The following GNL3 variants were observed in gnomAD, a reference collection of about 807,000 sequenced individuals.
The protein encoded by GNL3 is G protein nucleolar 3.
A neutral mutation model predicts 70.6 loss-of-function variants in GNL3; 77 were observed. The ratio of observed to expected loss-of-function variants is 1.09; its 90% CI spans 0.91 to 1.32. GNL3 has a LOEUF of 1.32. Among genes scored for constraint, GNL3 ranks in the 40% most tolerant of loss-of-function variants. The pLI is 0.00. For missense variants in GNL3, 634 were observed against 644.0 expected (o/e 0.98, Z 0.17); for synonymous variants, 252 against 216.1 (o/e 1.17, Z -1.46).
chr3:52,688,872 T>A (rs1474079536), intron 5 of GNL3: 2 of 591,988 alleles, frequency 3.4e-6, no homozygotes, highest in East Asian at 2.8e-5. Flanking sequence ...AGCAAGCCTA[T>A]GTTTTACTTT....
chr3:52,694,472 A>T lies in GNL3; in HGVS notation c.*197A>T. ...GTGAGTGGAAGTAGTTATCTGGAAT[A>T]AAAAAAGAAGATACCTATTGAAAAA... On this transcript the variant is annotated 3_prime_UTR_variant, in exon 15 of 15. Coordinates refer to ENST00000418458, the MANE Select transcript of GNL3 (RefSeq NM_014366.5). The T allele has an allele frequency of 1.7e-6, 1 of 579,372 alleles. No individual in the cohort carries two copies. The highest frequency in any genetic ancestry group is 3.1e-6 in the Non-Finnish European group (1 of 327,502). 35.9% of individuals were successfully genotyped at this position (579,372 alleles called of 1,614,324 possible).
rs780037109 is a variant in GNL3, at chr3:52,687,622, T to G, written c.324+7T>G. The G allele has an allele frequency of 5.3e-6, 8 of 1,503,816 alleles. No individual in the cohort carries two copies. In the African/African-American group the frequency reaches 1.1e-4, roughly 21 times the overall value. The allele number at this position is 1,503,816 out of a possible 1,614,324, so 93.2% of individuals were successfully genotyped here. A position where few individuals can be genotyped will look rare whatever the true frequency, so the allele number is the denominator to read the frequency against. On this transcript the variant is annotated splice_region_variant and intron_variant, in intron 4 of 14. Transcript: ENST00000418458. Reference sequence around the variant, plus strand: ...TGTGGAACCTATGGAAAAGGTATGATTAGGTCTCTTTATGAATGAGAGATC... The same window carrying G: ...TGTGGAACCTATGGAAAAGGTATGAGTAGGTCTCTTTATGAATGAGAGATC...
rs775062446 is a variant in GNL3 at position 52,688,146 on chromosome 3, C to T, written c.362C>T (p.Ser121Leu). ...GLCKTENKAK[S>L]GKQNSKKLYC... ...TGCAAAACTGAGAACAAAGCCAAGT[C>T]GGGCAAACAGAATTCAAAGAAGCTG... Residue 121 changes from serine to leucine, a missense_variant, in exon 5 of 15, where the codon TCG becomes TTG. By Grantham distance (145) the Ser-to-Leu change is moderately radical (BLOSUM62 -2). Coordinates refer to ENST00000418458, the MANE Select transcript of GNL3 (RefSeq NM_014366.5). 136 of 1,611,470 alleles carry T rather than the reference C, an allele frequency of 8.4e-5. No individual in the cohort carries two copies. The East Asian group carries it at 1.0e-3, about 12-fold the overall frequency.
At position 52,693,190 on chromosome 3, in the gene GNL3, G is replaced by A. The variant is rs942036186; in HGVS notation, c.1048G>A (p.Val350Ile). The change falls in exon 11 of 15, where the codon GTA becomes ATA. Residue 350 changes from valine to isoleucine, a missense_variant. Val to Ile is a conservative substitution (Grantham distance 29). Transcript: ENST00000418458. ...TTTGTTTGGTTTTTTTTTTAAGGTA[G>A]TACTGAAATATACTGTCCCAGGCTA... ...ILSQADARQVVLKYTVPGYRN... is the reference protein window; with the variant it reads ...ILSQADARQVILKYTVPGYRN... The A allele has an allele frequency of 6.9e-6, 11 of 1,602,916 alleles. No homozygotes were observed. The African/African-American group carries it at 1.4e-4, about 20-fold the overall frequency.
At chr3:52,692,767 G>C (rs748921238) in intron 9 of GNL3, 105 bp from the exon 10 acceptor site, 1 of 838,756 alleles carries the variant, frequency 1.2e-6, no homozygotes, top group East Asian at 2.4e-5. Flanking sequence ...AACTGGATCT[G>C]ACTGACTGTG....
At chr3:52,692,612 CA>C (rs1392175957) in intron 9 of GNL3, 17 of 515,916 alleles carry the variant, frequency 3.3e-5, no homozygotes, top group Non-Finnish European at 6.0e-5. Context: ...CCACCGCGCC[CA>C]GCCAGAAGGT....
chr3:52,693,612 G>A lies in GNL3; in HGVS notation c.1325-20G>A. The A allele has an allele frequency of 6.2e-7, 1 of 1,613,738 alleles. No homozygotes were observed. Among genetic ancestry groups the A allele is most frequent in the Non-Finnish European group, 8.5e-7 (1 of 1,179,784 alleles). ...CAGTGGAGCTCTTACCTGTTTACAT[G>A]GGCTTGCTTTCTTTCCCAGCCATCA... On this transcript the variant is annotated intron_variant, in intron 12 of 14. Transcript: ENST00000418458.
intron 3 of GNL3, 39 bp downstream of exon 3, chr3:52,687,422 G>A (rs759280942): frequency 6.2e-7 from 1 of 1,606,182 alleles, no homozygotes; most frequent in African/African-American, 1.3e-5. Context: ...GAGTGGTGTA[G>A]TGTGTTATGT....
At position 52,694,076 on chromosome 3, in the gene GNL3, G is replaced by A. The variant is rs199658349; in HGVS notation, c.1540G>A (p.Glu514Lys). Residue 514 changes from glutamate to lysine, a missense_variant, in exon 14 of 15, where the codon GAG (glutamate) becomes AAG (lysine). Glu to Lys is a moderately conservative substitution (Grantham distance 56). Transcript: ENST00000418458. ...CATGTTTGCTGCAGAAGAGACAGGGGAGGCACTGTCTGAGGAGACTACAGC... is the reference window on the plus strand; with the variant it reads ...CATGTTTGCTGCAGAAGAGACAGGGAAGGCACTGTCTGAGGAGACTACAGC... ...SGMFAAEETG[E>K]ALSEETTAGE... 5 of 1,613,308 alleles carry A rather than the reference G, an allele frequency of 3.1e-6. No individual in the cohort carries two copies. The African/African-American group carries it at 6.7e-5, about 22-fold the overall frequency.
chr3:52,687,832 G>A, intron 4 of GNL3: 1 of 592,680 alleles, frequency 1.7e-6, no homozygotes, highest in South Asian at 2.1e-5. Context: ...TCACTATATT[G>A]CCAAGGCTGG....
Position 52,693,021 on chromosome 3 carries a change from TC to T in GNL3, c.1021del (p.Leu341PhefsTer9), listed in dbSNP as rs758172992. The stretch of plus-strand genomic sequence containing the variant: ...AAACCGATGGAGGCTGCCAGTGCCA[TC>T]CTTTCCCAGGCTGATGCTCGACAGG... The part of the protein sequence containing the change: ...VVKPMEAASA[I>X]LSQADARQVV... On this transcript the variant is annotated frameshift_variant, in exon 10 of 15. Transcript: ENST00000418458. LOFTEE classifies it high-confidence loss of function. The T allele has an allele frequency of 1.4e-5, 22 of 1,614,084 alleles. No individual in the cohort carries two copies. Among genetic ancestry groups the T allele is most frequent in the Non-Finnish European group, 1.9e-5 (22 of 1,180,042 alleles).
intron 6 of GNL3, 47 bp downstream of exon 6, chr3:52,689,253 A>G (rs1332978209): frequency 6.5e-7 from 1 of 1,533,960 alleles, no homozygotes; most frequent in South Asian, 1.1e-5. Context: ...TGGGTGAGGT[A>G]CGAGGAAACA....
Position 52,694,030 on chromosome 3 carries a change from C to T in GNL3, c.1501-7C>T. On this transcript the variant is annotated splice_region_variant and splice_polypyrimidine_tract_variant and intron_variant, in intron 13 of 14. Transcript: ENST00000418458. ...CTAATCCAGCACTATTTTTCTTTGT[C>T]ACACAGGAAAACAGCTCAGGCATGT... 1 of 1,611,236 alleles carries T rather than the reference C, an allele frequency of 6.2e-7. No individual in the cohort carries two copies. The highest frequency in any genetic ancestry group is 8.5e-7 in the Non-Finnish European group (1 of 1,177,398).
intron 7 of GNL3, 67 bp from the exon 8 acceptor site, chr3:52,690,878 A>G: frequency 2.0e-6 from 3 of 1,533,508 alleles, no homozygotes. Flanking sequence ...CTGGAGCCTG[A>G]TTGCTTGGGG....
Position 52,691,603 on chromosome 3 carries a change from T to C in GNL3, c.843T>C (p.Asn281=), listed in dbSNP as rs986863734. ...GCTTAAAACAAGAACAGATGTGTAA[T>C]GTTGGTGTATCCATGGGGCTTACAA... The part of the protein sequence containing the change: ...INSLKQEQMC[N]VGVSMGLTRS... Residue 281 remains asparagine (N), a synonymous_variant, in exon 9 of 15, where the codon AAT becomes AAC. Coordinates refer to ENST00000418458, the MANE Select transcript of GNL3 (RefSeq NM_014366.5). 3.8e-6 allele frequency: 6 copies of C among 1,593,516 alleles called. No homozygotes were observed. Among genetic ancestry groups the C allele is most frequent in the Non-Finnish European group, 5.2e-6 (6 of 1,161,520 alleles).
chr3:52,688,256 T>A, intron 5 of GNL3, 64 bp downstream of exon 5: 1 of 936,722 alleles, frequency 1.1e-6, no homozygotes, highest in Non-Finnish European at 1.7e-6. Flanking sequence ...AGTCATTTTT[T>A]TTTTAACCTT....
chr3:52,691,423 A>C (rs553223519), intron 8 of GNL3, 119 bp from the exon 9 acceptor site: 25 of 699,420 alleles, frequency 3.6e-5, no homozygotes, highest in African/African-American at 2.5e-4. Flanking sequence ...AAGTGAAGAC[A>C]CTGAGATCCA....
In GNL3 at chr3:52,692,980, A is replaced by C. The variant is rs138096293; in HGVS notation, c.978A>C (p.Ala326=). The C allele has an allele frequency of 2.2e-4, 349 of 1,614,150 alleles. No individual in the cohort carries two copies. In the African/African-American group the frequency reaches 3.9e-3, roughly 18 times the overall value. Residue 326 remains alanine, a synonymous_variant, in exon 10 of 15, where the codon GCA becomes GCC. Coordinates refer to ENST00000418458, the MANE Select transcript of GNL3 (RefSeq NM_014366.5). ...SSSALALRSP[A]SIEVVKPMEA... Reference sequence around the variant, plus strand: ...CTGCGCTTGCTCTGCGAAGTCCAGCAAGTATTGAAGTAGTAAAACCGATGG... The same window carrying C: ...CTGCGCTTGCTCTGCGAAGTCCAGCCAGTATTGAAGTAGTAAAACCGATGG...
rs1220550427 is a variant in GNL3, at chr3:52,693,305, A to G, written c.1163A>G (p.Lys388Arg). Residue 388 changes from lysine (K) to arginine (R), a missense_variant, in exon 11 of 15, where the codon AAA becomes AGA. Lys to Arg is a conservative substitution (Grantham distance 26). Transcript: ENST00000418458. ...ATCCCAAATGTTGAAGGTGCTGCCA[A>G]ACTGCTGTGGTCTGAGTGGACAGGG... The part of the protein sequence containing the change: ...GGIPNVEGAA[K>R]LLWSEWTGAS... The G allele has an allele frequency of 1.2e-6, 2 of 1,614,106 alleles. No homozygotes were observed. Among genetic ancestry groups the G allele is most frequent in the African/African-American group, 1.3e-5 (1 of 74,936 alleles).
Sources: gnomAD v4.1 joint callset for allele counts on GRCh38, gnomAD v4.1.1 for gene constraint, MANE v1.5 for transcripts, NCBI Gene and HGNC (gene_info 2026-07-23, HGNC 2026-07-21) for gene names.